Variants in ADAMTS12 observed in about 807,000 individuals in gnomAD.
The protein encoded by ADAMTS12 is A disintegrin and metalloproteinase with thrombospondin motifs 12.
In ADAMTS12, 118 loss-of-function variants were observed where a neutral mutation model predicts 167.8. The ratio of observed to expected loss-of-function variants is 0.70; its 90% CI spans 0.61 to 0.82. ADAMTS12 has a LOEUF of 0.82. Ranked by LOEUF, ADAMTS12 falls within the 40% of genes least tolerant of loss-of-function variation. ADAMTS12 has a pLI of 0.00. For missense variants in ADAMTS12, 1,916 were observed against 1,998.8 expected (o/e 0.96, Z 0.79); for synonymous variants, 704 against 716.9 (o/e 0.98, Z 0.29).
At chr5:33,858,355 C>T (rs1221733445) in intron 2 of ADAMTS12, among the ~76,000 whole-genome samples, 1 of 152,184 alleles carries the variant, frequency 6.6e-6, no homozygotes, top group East Asian at 1.9e-4. Flanking sequence ...GCACAAAATG[C>T]TTACAGTAGA....
intron 5 of ADAMTS12, among the ~76,000 whole-genome samples, chr5:33,668,790 G>C (rs991806465): frequency 6.6e-6 from 1 of 152,138 alleles, no homozygotes; most frequent in African/African-American, 2.4e-5. Flanking sequence ...GGCCTCTGGA[G>C]GATTCTAATC....
chr5:33,845,639 T>A (rs991169996), intron 2 of ADAMTS12, among the ~76,000 whole-genome samples: 3 of 152,150 alleles, frequency 2.0e-5, no homozygotes, highest in African/African-American at 7.2e-5. Flanking sequence ...AAATGTATAT[T>A]AATTAGAAAG....
chr5:33,566,845 C>A (rs1265866404), intron 19 of ADAMTS12, among the ~76,000 whole-genome samples: 1 of 152,218 alleles, frequency 6.6e-6, no homozygotes, highest in Non-Finnish European at 1.5e-5. Flanking sequence ...TGTTCCACTT[C>A]AAGGCTTGGA....
intron 2 of ADAMTS12, among the ~76,000 whole-genome samples, chr5:33,815,464 A>C (rs1747614828): frequency 6.6e-6 from 1 of 152,212 alleles, no homozygotes; most frequent in Admixed American, 6.5e-5. Flanking sequence ...TGCAAGCCAG[A>C]AAGAGGGCCC....
At chr5:33,589,528 T>C (rs915143127) in intron 17 of ADAMTS12, among the ~76,000 whole-genome samples, 2 of 152,176 alleles carry the variant, frequency 1.3e-5, no homozygotes, top group Admixed American at 6.5e-5. Flanking sequence ...CTCAATAATC[T>C]AGGATGTGGG....
chr5:33,796,612 G>A (rs569359001), intron 2 of ADAMTS12, among the ~76,000 whole-genome samples: 205 of 152,238 alleles, frequency 1.3e-3, no homozygotes, highest in African/African-American at 4.6e-3. Context: ...TTTTGCCAAT[G>A]AGTTGTAAGA....
chr5:33,612,116 G>C (rs1487547249), intron 16 of ADAMTS12, among the ~76,000 whole-genome samples: 1 of 152,198 alleles, frequency 6.6e-6, no homozygotes, highest in African/African-American at 2.4e-5. Flanking sequence ...CTATGTTTGA[G>C]AGTATTACAG....
At chr5:33,608,102 A>G (rs4446461) in intron 16 of ADAMTS12, among the ~76,000 whole-genome samples, 88,251 of 151,976 alleles carry the variant, frequency 0.58, 25,909 homozygotes, top group East Asian at 0.82. Context: ...TGGAAGCTCT[A>G]TCACCTTTCC....
chr5:33,579,683 G>A (rs774394989), intron 18 of ADAMTS12, among the ~76,000 whole-genome samples: 10 of 152,128 alleles, frequency 6.6e-5, no homozygotes, highest in South Asian at 4.1e-4. Context: ...TGTGTGATTC[G>A]GTGACTAAGT....
intron 2 of ADAMTS12, among the ~76,000 whole-genome samples, chr5:33,773,411 T>C (rs113860867): frequency 0.014 from 2,201 of 152,302 alleles, 56 homozygotes; most frequent in African/African-American, 0.049. Flanking sequence ...GTGCACTATG[T>C]TCTTTATAAA....
At chr5:33,746,821 T>C (rs1042763800) in intron 3 of ADAMTS12, among the ~76,000 whole-genome samples, 4 of 152,218 alleles carry the variant, frequency 2.6e-5, no homozygotes, top group African/African-American at 4.8e-5. Context: ...CCTGATTTAA[T>C]CAGTCGAAAA....
intron 16 of ADAMTS12, among the ~76,000 whole-genome samples, chr5:33,598,470 A>T (rs1269186225): frequency 6.6e-6 from 1 of 152,180 alleles, no homozygotes; most frequent in Non-Finnish European, 1.5e-5. Flanking sequence ...CCTTCTACAC[A>T]TCACTGGGTT....
At chr5:33,533,501 C>A (rs1744221590) in intron 23 of ADAMTS12, among the ~76,000 whole-genome samples, 1 of 152,026 alleles carries the variant, frequency 6.6e-6, no homozygotes, top group Non-Finnish European at 1.5e-5. Flanking sequence ...CCTCAAACTC[C>A]CAGGAGATGC....
rs137855680 is a variant in ADAMTS12 at position 33,794,036 on chromosome 5, A to G, written c.490-42488T>C. On this transcript the variant is annotated intron_variant, in intron 2 of 23. Transcript: ENST00000504830. ...TGCTCCTCTGCCCACCCTCCCCATG[A>G]ATCCCTGTGGTGCCCAGCGGGAATG... Among the ~76,000 whole-genome samples, 927 of 152,188 alleles carry G rather than the reference A, an allele frequency of 6.1e-3. 15 individuals carry two copies. Among genetic ancestry groups the G allele is most frequent in the African/African-American group, 0.022 (901 of 41,546 alleles).
chr5:33,613,282 C>T (rs374507580), intron 16 of ADAMTS12, among the ~76,000 whole-genome samples: 2 of 152,356 alleles, frequency 1.3e-5, no homozygotes, highest in African/African-American at 4.8e-5. Flanking sequence ...GGCAATATTA[C>T]TAAAGCCCCC....
At chr5:33,784,113 C>A (rs1012636618) in intron 2 of ADAMTS12, among the ~76,000 whole-genome samples, 3 of 151,722 alleles carry the variant, frequency 2.0e-5, no homozygotes, top group Non-Finnish European at 3.0e-5. Context: ...AACCATATGA[C>A]CCTCTCAATA....
chr5:33,556,999 C>G (rs1001215029), intron 20 of ADAMTS12, among the ~76,000 whole-genome samples: 2 of 152,214 alleles, frequency 1.3e-5, no homozygotes, highest in Non-Finnish European at 1.5e-5. Context: ...TTGGTGTAGT[C>G]ATGAACCTGA....
At chr5:33,849,822 G>A (rs1749153945) in intron 2 of ADAMTS12, among the ~76,000 whole-genome samples, 1 of 147,278 alleles carries the variant, frequency 6.8e-6, no homozygotes, top group South Asian at 2.2e-4. Context: ...TATATACATT[G>A]TATCAATATA....
intron 1 of ADAMTS12, among the ~76,000 whole-genome samples, chr5:33,882,058 A>G (rs1750468384): frequency 6.6e-6 from 1 of 152,214 alleles, no homozygotes; most frequent in Non-Finnish European, 1.5e-5. Flanking sequence ...CGTGAGGGGT[A>G]CTGTTAGAAA....
Sources: allele counts gnomAD v4.1 joint callset (sites outside exome capture counted in the v4.1 genomes callset), GRCh38; gene constraint gnomAD v4.1.1; transcripts MANE v1.5; gene names NCBI Gene and HGNC (gene_info 2026-07-23, HGNC 2026-07-21).